The following AASS variants were observed in gnomAD, a reference collection of about 807,000 sequenced individuals.
The protein encoded by AASS is alpha-aminoadipic semialdehyde synthase, mitochondrial.
Under a neutral mutation model 105.4 loss-of-function variants are expected in AASS, and 86 were observed. That is an observed-to-expected ratio of 0.82 (90% CI 0.69 to 0.98). The LOEUF is 0.98. Ranked by LOEUF, AASS falls within the 50% of genes least tolerant of loss-of-function variation. The probability of loss-of-function intolerance (pLI) is 0.00; values close to 1 mark genes in which losing one functional copy is unlikely to be tolerated. For synonymous variants in AASS, 381 were observed against 394.8 expected (o/e 0.96, Z 0.41); for missense variants, 1,048 against 1,143.2 (o/e 0.92, Z 1.20).
rs936457409 is a variant in AASS, at chr7:122,101,634, G to A, written c.1325C>T (p.Pro442Leu). The A allele has an allele frequency of 6.2e-7, 1 of 1,611,138 alleles. No homozygotes were observed. The highest frequency in any genetic ancestry group is 1.7e-5 in the Admixed American group (1 of 59,748). The change falls in exon 12 of 24, where the codon CCT becomes CTT. Residue 442 changes from proline (P) to leucine (L), a missense_variant. Physicochemically the swap from Pro to Leu is moderately conservative, Grantham distance 98. Transcript: ENST00000417368. ...CTCATAACTTACATCTCTCACCACA[G>A]GAGAAAAATTCTGACTTTCAAGAGG... ...TQPLESQNFS[P>L]VVRDAVITSN...
intron 4 of AASS, among the ~76,000 whole-genome samples, chr7:122,124,804 A>T (rs1213041310): frequency 6.6e-6 from 1 of 152,220 alleles, no homozygotes; most frequent in Non-Finnish European, 1.5e-5. Context: ...AATCATAGTC[A>T]TCAGAGGTCT....
chr7:122,119,975 C>T (rs1025811108), intron 4 of AASS, among the ~76,000 whole-genome samples: 9 of 152,150 alleles, frequency 5.9e-5, no homozygotes, highest in Admixed American at 3.3e-4. Flanking sequence ...TGAATATAAG[C>T]GGACTCATGC....
At position 122,113,718 on chromosome 7, in the gene AASS, A is replaced by T; in HGVS notation, c.1046T>A (p.Leu349His). Residue 349 changes from leucine (L) to histidine (H), a missense_variant and splice_region_variant, in exon 10 of 24, where the codon CTC becomes CAC. By Grantham distance (99) the Leu-to-His change is moderately conservative. Transcript: ENST00000417368. ...VEGCPALPHK[L>H]VAICDISADT... is the part of the protein sequence containing the mutation. Reference sequence around the variant, plus strand: ...AGCTGAAATGTCACATATTGCCACGAGTCTGAAAATAACATCAATACTTAG... The same window carrying T: ...AGCTGAAATGTCACATATTGCCACGTGTCTGAAAATAACATCAATACTTAG... 1 of 1,612,802 alleles carries T rather than the reference A, an allele frequency of 6.2e-7. No individual in the cohort carries two copies. Among genetic ancestry groups the T allele is most frequent in the Non-Finnish European group, 8.5e-7 (1 of 1,179,884 alleles).
intron 18 of AASS, 63 bp downstream of exon 18, chr7:122,091,640 A>G: frequency 6.2e-7 from 1 of 1,611,512 alleles, no homozygotes; most frequent in Non-Finnish European, 8.5e-7. Flanking sequence ...ATCAGGGAGT[A>G]TTTAGACTGT....
intron 8 of AASS, 29 bp downstream of exon 8, chr7:122,116,604 C>A (rs1455804310): frequency 6.2e-7 from 1 of 1,613,720 alleles, no homozygotes; most frequent in Non-Finnish European, 8.5e-7. Flanking sequence ...TCATAAGCAA[C>A]CAACTTAAAA....
intron 19 of AASS, among the ~76,000 whole-genome samples, chr7:122,084,973 A>G (rs1793554450): frequency 6.6e-6 from 1 of 152,140 alleles, no homozygotes; most frequent in African/African-American, 2.4e-5. Context: ...CGCCAAATTC[A>G]TGGGCATCCA....
chr7:122,124,778 C>T (rs1157089053), intron 4 of AASS, among the ~76,000 whole-genome samples: 1 of 152,026 alleles, frequency 6.6e-6, no homozygotes, highest in Non-Finnish European at 1.5e-5. Context: ...CTGGATGAGT[C>T]CTGAAAGGCC....
At chr7:122,142,678 A>G (rs1481799918) in intron 1 of AASS, among the ~76,000 whole-genome samples, 3 of 152,222 alleles carry the variant, frequency 2.0e-5, no homozygotes, top group Non-Finnish European at 4.4e-5. Flanking sequence ...GTTTGTTTCC[A>G]TGATTTCATG....
chr7:122,087,131 T>C (rs1053645163), intron 18 of AASS, among the ~76,000 whole-genome samples: 7 of 152,154 alleles, frequency 4.6e-5, no homozygotes, highest in African/African-American at 1.7e-4. Flanking sequence ...CTGCACAAAA[T>C]AACACTGTAC....
At position 122,129,554 on chromosome 7, in the gene AASS, G is replaced by C; in HGVS notation, c.211-17C>G. 1 of 1,609,874 alleles carries C rather than the reference G, an allele frequency of 6.2e-7. No homozygotes were observed. The highest frequency in any genetic ancestry group is 2.2e-5 in the East Asian group (1 of 44,708). ...GACATAGTCCTGAAATTGTAATTAT[G>C]ATTAAAGGTTATTATCCTGATTTGT... On this transcript the variant is annotated splice_polypyrimidine_tract_variant and intron_variant, in intron 2 of 23. Transcript: ENST00000417368.
intron 2 of AASS, among the ~76,000 whole-genome samples, chr7:122,130,293 G>A (rs988711577): frequency 6.6e-6 from 1 of 151,918 alleles, no homozygotes; most frequent in African/African-American, 2.4e-5. Flanking sequence ...AACACAAGAT[G>A]GTAATATCAG....
intron 11 of AASS, among the ~76,000 whole-genome samples, chr7:122,103,553 T>C (rs771398488): frequency 1.4e-4 from 22 of 151,904 alleles, no homozygotes; most frequent in Non-Finnish European, 2.4e-4. Context: ...TATATTCAAA[T>C]CCAGAATACC....
Position 122,091,757 on chromosome 7 carries a change from T to G in AASS, c.1962A>C (p.Pro654=), listed in dbSNP as rs781582800. 3 of 1,613,596 alleles carry G rather than the reference T, an allele frequency of 1.9e-6. No individual in the cohort carries two copies. Among genetic ancestry groups the G allele is most frequent in the Non-Finnish European group, 1.7e-6 (2 of 1,179,718 alleles). ...NPLRYKFSWS[P]VGVLMNVMQS... ...GCATTACATTCATCAAAACTCCCAC[T>G]GGACTCCAGCTAAATTTATATCTCA... Residue 654 remains proline (P), a synonymous_variant, in exon 18 of 24, where the codon CCA becomes CCC. Coordinates refer to ENST00000417368, the MANE Select transcript of AASS (RefSeq NM_005763.4).
intron 11 of AASS, among the ~76,000 whole-genome samples, chr7:122,102,914 A>C (rs1241274003): frequency 6.6e-6 from 1 of 152,068 alleles, no homozygotes; most frequent in Non-Finnish European, 1.5e-5. Context: ...AAGGAAAAAA[A>C]CAGGGAACAT....
intron 4 of AASS, among the ~76,000 whole-genome samples, chr7:122,120,496 C>T (rs1459737653): frequency 1.3e-5 from 2 of 151,822 alleles, no homozygotes; most frequent in African/African-American, 4.8e-5. Context: ...TGATATTTTT[C>T]AGAGAACCAG....
In AASS at chr7:122,142,356, G is replaced by A. The variant is rs73426061; in HGVS notation, c.-16+1805C>T. On this transcript the variant is annotated intron_variant, in intron 1 of 23. Transcript: ENST00000417368. ...AGCGAGCACAACCACGCCGCTAACA[G>A]TAGACTCACATTTCTTTCCTCTGTC... is the stretch of plus-strand genomic sequence containing the variant. Among the ~76,000 whole-genome samples the A allele has an allele frequency of 4.0e-3, 595 of 148,658 alleles. 4 individuals are homozygous for A. The highest frequency in any genetic ancestry group is 0.015 in the African/African-American group (565 of 38,174).
At position 122,104,193 on chromosome 7, in the gene AASS, A is replaced by T. The variant is rs183415625; in HGVS notation, c.1279-2513T>A. On this transcript the variant is annotated intron_variant, in intron 11 of 23. Coordinates refer to ENST00000417368, the MANE Select transcript of AASS (RefSeq NM_005763.4). ...GAATGGATTAAAAAAACAAAGCTCT[A>T]CTATTCACAATAGCAAAGTTATGGA... Among the ~76,000 whole-genome samples, 272 of 152,212 alleles carry T rather than the reference A, an allele frequency of 1.8e-3. 7 individuals are homozygous for T. In the East Asian group the frequency reaches 0.036, roughly 20 times the overall value.
Position 122,101,769 on chromosome 7 carries a change from GGAAAAAAATAATTTAAGAAACAGTTT to G in AASS, c.1279-115_1279-90del, listed in dbSNP as rs1463081216. 680 of 995,000 alleles carry G rather than the reference GGAAAAAAATAATTTAAGAAACAGTTT, an allele frequency of 6.8e-4. 4 individuals carry two copies. Among genetic ancestry groups the G allele is most frequent in the South Asian group, 3.8e-3 (272 of 71,216 alleles). The allele number at this position is 995,000 out of a possible 1,614,324, so 61.6% of individuals were successfully genotyped here. ...TATCCATATTAAAATATTAATCAAG[GGAAAAAAATAATTTAAGAAACAGTTT>G]TCTGAGGATCACCGAGTATAAGTGA... On this transcript the variant is annotated intron_variant, in intron 11 of 23. Coordinates refer to ENST00000417368, the MANE Select transcript of AASS (RefSeq NM_005763.4).
Position 122,097,833 on chromosome 7 carries a change from C to A in AASS, c.1655+617G>T, listed in dbSNP as rs73442834. 4.1e-3 allele frequency among the ~76,000 whole-genome samples: 626 copies of A among 151,904 alleles called. 7 individuals carry two copies. The highest frequency in any genetic ancestry group is 0.014 in the African/African-American group (596 of 41,472). On this transcript the variant is annotated intron_variant, in intron 15 of 23. Transcript: ENST00000417368. ...TGCAATCCCACTTCTAAGTACATAC[C>A]CAACAGAAATGTATAATTACTGTTT...
Sources: gnomAD v4.1 joint callset for allele counts (sites outside exome capture counted in the v4.1 genomes callset) on GRCh38, gnomAD v4.1.1 for gene constraint, MANE v1.5 for transcripts, NCBI Gene and HGNC (gene_info 2026-07-23, HGNC 2026-07-21) for gene names.